Variants in CSMD1 observed in about 807,000 individuals in gnomAD.
CSMD1 encodes CUB and sushi domain-containing protein 1.
CSMD1 carries 213 observed loss-of-function variants against 417.5 expected under a neutral mutation model. The ratio of observed to expected loss-of-function variants is 0.51; its 90% CI spans 0.46 to 0.57. The LOEUF is 0.57. Ranked by LOEUF, CSMD1 falls within the 20% of genes least tolerant of loss-of-function variation. The probability of loss-of-function intolerance (pLI) is 0.00; values close to 1 mark genes in which losing one functional copy is unlikely to be tolerated. For missense variants in CSMD1, 6,923 were observed against 4,529.7 expected, an observed-to-expected ratio of 1.53 and a Z score of -15.17; for synonymous variants, 2,862 against 1,736.8, an observed-to-expected ratio of 1.65 and a Z score of -16.11.
intron 3 of CSMD1, among the ~76,000 whole-genome samples, chr8:4,074,284 G>T (rs1348638438): frequency 6.6e-6 from 1 of 151,998 alleles, no homozygotes; most frequent in African/African-American, 2.4e-5. Flanking sequence ...ATGAAACGGT[G>T]TCAGCTAAAC....
intron 12 of CSMD1, among the ~76,000 whole-genome samples, chr8:3,455,884 G>T (rs932350317): frequency 6.6e-6 from 1 of 152,232 alleles, no homozygotes; most frequent in Non-Finnish European, 1.5e-5. Context: ...GCTGTCTTTT[G>T]TTTGGCTATG....
At chr8:4,220,657 G>A (rs1800974774) in intron 3 of CSMD1, among the ~76,000 whole-genome samples, 1 of 152,190 alleles carries the variant, frequency 6.6e-6, no homozygotes, top group African/African-American at 2.4e-5. Context: ...ACAATTTGAA[G>A]ATGGCTTAGC....
intron 5 of CSMD1, among the ~76,000 whole-genome samples, chr8:3,872,807 G>C (rs1210451112): frequency 6.8e-6 from 1 of 147,460 alleles, no homozygotes; most frequent in Admixed American, 6.8e-5. Context: ...GCATTTGTAA[G>C]CAACTTAAAC....
intron 3 of CSMD1, among the ~76,000 whole-genome samples, chr8:4,397,197 T>C (rs970849498): frequency 6.6e-6 from 1 of 152,180 alleles, no homozygotes; most frequent in Non-Finnish European, 1.5e-5. Flanking sequence ...TGTTTGATCC[T>C]ATTTTAAAAA....
intron 1 of CSMD1, among the ~76,000 whole-genome samples, chr8:4,965,767 A>T (rs1809817385): frequency 6.6e-6 from 1 of 152,182 alleles, no homozygotes; most frequent in Non-Finnish European, 1.5e-5. Context: ...TAGGAAGGAA[A>T]AACTGCCCAG....
rs17079864 is a variant in CSMD1, at chr8:3,308,512, G to A, written c.3632-9C>T. ...TTTTACCAGATCAAAACCTGCAAGA[G>A]AGAAAGGCAAGGAATGAACAGAACT... On this transcript the variant is annotated splice_polypyrimidine_tract_variant and intron_variant, in intron 23 of 69. Transcript: ENST00000635120. 7 of 1,605,090 alleles carry A rather than the reference G, an allele frequency of 4.4e-6. No individual in the cohort carries two copies. The highest frequency in any genetic ancestry group is 6.0e-6 in the Non-Finnish European group (7 of 1,173,448).
At chr8:3,030,317 A>G (rs527631341) in intron 50 of CSMD1, among the ~76,000 whole-genome samples, 40 of 152,224 alleles carry the variant, frequency 2.6e-4, no homozygotes. Flanking sequence ...ATTAGAAACC[A>G]GAACCATTTC....
Position 2,938,535 on chromosome 8 carries a change from T to C in CSMD1, c.*50A>G, listed in dbSNP as rs1160151430. On this transcript the variant is annotated 3_prime_UTR_variant, in exon 70 of 70. Coordinates refer to ENST00000635120, the MANE Select transcript of CSMD1 (RefSeq NM_033225.6). ...TATATGGCACCAAAGGAATCACTGC[T>C]TGTCCATCAGAGGTATGGCTATGAA... 2 of 1,554,036 alleles carry C rather than the reference T, an allele frequency of 1.3e-6. No individual in the cohort carries two copies. Among genetic ancestry groups the C allele is most frequent in the East Asian group, 2.3e-5 (1 of 43,768 alleles).
chr8:4,478,337 T>C (rs1272302957), intron 2 of CSMD1, among the ~76,000 whole-genome samples: 1 of 152,224 alleles, frequency 6.6e-6, no homozygotes, highest in African/African-American at 2.4e-5. Flanking sequence ...TTTAATTTAT[T>C]TTTACATCTT....
At chr8:4,715,677 A>T (rs1230125657) in intron 1 of CSMD1, among the ~76,000 whole-genome samples, 1 of 152,100 alleles carries the variant, frequency 6.6e-6, no homozygotes, top group African/African-American at 2.4e-5. Context: ...AATTTTGGCA[A>T]CTGTTCCCTT....
At chr8:4,524,488 G>A (rs1487253958) in intron 2 of CSMD1, among the ~76,000 whole-genome samples, 1 of 151,584 alleles carries the variant, frequency 6.6e-6, no homozygotes, top group African/African-American at 2.4e-5. Context: ...CGTTGGTGAA[G>A]CCCACGGGAT....
At chr8:3,944,152 A>AT (rs1483633007) in intron 5 of CSMD1, among the ~76,000 whole-genome samples, 6 of 152,090 alleles carry the variant, frequency 3.9e-5, no homozygotes, top group Non-Finnish European at 7.4e-5. Context: ...GCTACACAGA[A>AT]TTTTTTTACT....
chr8:3,862,858 T>C (rs1370229492), intron 5 of CSMD1, among the ~76,000 whole-genome samples: 1 of 152,194 alleles, frequency 6.6e-6, no homozygotes, highest in African/African-American at 2.4e-5. Context: ...CTCTTGGTCA[T>C]TAGTTTTATG....
intron 4 of CSMD1, among the ~76,000 whole-genome samples, chr8:4,014,158 T>C (rs1326924942): frequency 6.6e-6 from 1 of 152,170 alleles, no homozygotes; most frequent in Non-Finnish European, 1.5e-5. Flanking sequence ...TGGTGAACTG[T>C]CATAACATTA....
chr8:3,923,099 C>G (rs1809391244), intron 5 of CSMD1, among the ~76,000 whole-genome samples: 3 of 152,128 alleles, frequency 2.0e-5, no homozygotes, highest in African/African-American at 4.8e-5. Flanking sequence ...GCCCTTGTGA[C>G]TGGGACTCAT....
intron 3 of CSMD1, among the ~76,000 whole-genome samples, chr8:4,314,932 A>G (rs1427703822): frequency 6.6e-6 from 1 of 152,186 alleles, no homozygotes; most frequent in Non-Finnish European, 1.5e-5. Context: ...ATACCACAGG[A>G]AAAGTGGGGT....
intron 5 of CSMD1, among the ~76,000 whole-genome samples, chr8:3,871,343 G>A (rs906150363): frequency 2.0e-5 from 3 of 151,944 alleles, no homozygotes; most frequent in African/African-American, 7.2e-5. Context: ...AGTTGATATT[G>A]ACAACTATTA....
chr8:3,070,324 G>A (rs1346822077), intron 49 of CSMD1, among the ~76,000 whole-genome samples: 2 of 152,160 alleles, frequency 1.3e-5, no homozygotes, highest in Non-Finnish European at 2.9e-5. Flanking sequence ...TTCTTCCTCT[G>A]CCACACGGCC....
chr8:4,192,855 C>G (rs1799110794), intron 3 of CSMD1, among the ~76,000 whole-genome samples: 1 of 152,170 alleles, frequency 6.6e-6, no homozygotes, highest in African/African-American at 2.4e-5. Context: ...CACTCATGTT[C>G]CTGTATTCTG....
Sources: allele counts gnomAD v4.1 joint callset (sites outside exome capture counted in the v4.1 genomes callset), GRCh38; gene constraint gnomAD v4.1.1; transcripts MANE v1.5; gene names NCBI Gene and HGNC (gene_info 2026-07-23, HGNC 2026-07-21).